ZC3H6: variants seen among roughly 807,000 people sequenced by gnomAD.
ZC3H6 encodes the protein zinc finger CCCH-type containing 6.
Under a neutral mutation model 107.7 loss-of-function variants are expected in ZC3H6, and 40 were observed. That is an observed-to-expected ratio of 0.37 (90% CI 0.29 to 0.48). ZC3H6 has a LOEUF of 0.48. ZC3H6 is among the 20% of genes least tolerant of loss of function. The pLI is 0.98. For synonymous variants in ZC3H6, 493 were observed against 487.9 expected (o/e 1.01, Z -0.14); for missense variants, 1,267 against 1,410.4 (o/e 0.90, Z 1.63).
rs779296307 is a variant in ZC3H6 at position 112,332,055 on chromosome 2, T to G, written c.3137T>G (p.Ile1046Ser). The G allele has an allele frequency of 3.1e-6, 5 of 1,614,046 alleles. No homozygotes were observed. In the South Asian group the frequency reaches 5.5e-5, roughly 18 times the overall value. Residue 1046 changes from isoleucine to serine, a missense_variant, in exon 12 of 12, where the codon ATT becomes AGT. Around this residue, in one of 3 missense-constraint regions of ZC3H6, gnomAD observed 925 missense variants for 1,025.7 expected, o/e 0.90. Coordinates refer to ENST00000409871, the MANE Select transcript of ZC3H6 (RefSeq NM_198581.3). ...ACTTCCACTTCAGTTCTTAGTGGTA[T>G]TAGTTTGTATGACCCTAGGGATCAC... ...LGTSTSVLSG[I>S]SLYDPRDHGS...
At chr2:112,321,499 A>G (rs888190083) in intron 7 of ZC3H6, among the ~76,000 whole-genome samples, 1 of 152,034 alleles carries the variant, frequency 6.6e-6, no homozygotes, top group Non-Finnish European at 1.5e-5. Context: ...TAAATTCAGT[A>G]TAATATATAA....
At chr2:112,317,156 G>C (rs1344695051) in intron 6 of ZC3H6, 65 bp from the exon 7 acceptor site, 1 of 877,814 alleles carries the variant, frequency 1.1e-6, no homozygotes, top group Non-Finnish European at 1.6e-6. Flanking sequence ...TTCAGCTGTT[G>C]TTTCTTTGTT....
At position 112,332,446 on chromosome 2, in the gene ZC3H6, G is replaced by A. The variant is rs1677056558; in HGVS notation, c.3528G>A (p.Glu1176=). The A allele has an allele frequency of 6.2e-7, 1 of 1,610,086 alleles. No individual in the cohort carries two copies. The highest frequency in any genetic ancestry group is 8.5e-7 in the Non-Finnish European group (1 of 1,179,140). ...AAACAGATGACAAATCTCTGAAAGA[G>A]GTTTTTAAAACTTTTGATCCAACTG... ...GRETDDKSLK[E]VFKTFDPTAS... Residue 1176 remains glutamate, a synonymous_variant, in exon 12 of 12, where the codon GAG becomes GAA. Coordinates refer to ENST00000409871, the MANE Select transcript of ZC3H6 (RefSeq NM_198581.3).
intron 1 of ZC3H6, among the ~76,000 whole-genome samples, chr2:112,283,970 A>C (rs561751075): frequency 6.6e-6 from 1 of 152,392 alleles, no homozygotes; most frequent in East Asian, 1.9e-4. Context: ...TATGAAGTCA[A>C]GTCTGGCTAA....
Position 112,334,463 on chromosome 2 carries a change from C to T in ZC3H6, c.*1975C>T, listed in dbSNP as rs758636774. The T allele has an allele frequency of 2.0e-5, 3 of 151,846 alleles. No individual in the cohort carries two copies. The highest frequency in any genetic ancestry group is 4.4e-5 in the Non-Finnish European group (3 of 67,906). The allele number at this position is 151,846 out of a possible 1,614,324, so 9.4% of individuals were successfully genotyped here. ...TCAAAATAGAATCCAAACTCTTAAC[C>T]GAATATCTTTTTTACAACTAAAAGA... On this transcript the variant is annotated 3_prime_UTR_variant, in exon 12 of 12. Coordinates refer to ENST00000409871, the MANE Select transcript of ZC3H6 (RefSeq NM_198581.3).
chr2:112,295,124 G>T (rs558424531), intron 1 of ZC3H6, among the ~76,000 whole-genome samples: 106 of 151,966 alleles, frequency 7.0e-4, no homozygotes, highest in African/African-American at 2.4e-3. Context: ...AATCTACTTT[G>T]TATCTGTATA....
Position 112,311,788 on chromosome 2 carries a change from A to G in ZC3H6, c.614-16A>G. ...CTGTTTTTCTTTTAAATTTAAGTAC[A>G]TTTTAACTTTTCTAGGTATTGAACA... On this transcript the variant is annotated splice_polypyrimidine_tract_variant and intron_variant, in intron 4 of 11. Coordinates refer to ENST00000409871, the MANE Select transcript of ZC3H6 (RefSeq NM_198581.3). 6.3e-7 allele frequency: 1 copy of G among 1,593,380 alleles called. No homozygotes were observed. The highest frequency in any genetic ancestry group is 8.5e-7 in the Non-Finnish European group (1 of 1,169,890).
chr2:112,292,702 C>T (rs558868100), intron 1 of ZC3H6, among the ~76,000 whole-genome samples: 6 of 152,294 alleles, frequency 3.9e-5, no homozygotes, highest in Admixed American at 3.9e-4. Flanking sequence ...ATTAAGCAAT[C>T]TAAAGCTATG....
At chr2:112,281,850 A>G (rs1323095886) in intron 1 of ZC3H6, among the ~76,000 whole-genome samples, 1 of 152,050 alleles carries the variant, frequency 6.6e-6, no homozygotes, top group Non-Finnish European at 1.5e-5. Flanking sequence ...AGGGATAGTC[A>G]CAGAGCAGTA....
At chr2:112,326,843 C>T (rs1676914514) in intron 11 of ZC3H6, among the ~76,000 whole-genome samples, 1 of 152,008 alleles carries the variant, frequency 6.6e-6, no homozygotes, top group Non-Finnish European at 1.5e-5. Context: ...GAACTCCTGA[C>T]CTCAGGTGAT....
At chr2:112,279,274 A>G (rs1255563493) in intron 1 of ZC3H6, among the ~76,000 whole-genome samples, 3 of 152,220 alleles carry the variant, frequency 2.0e-5, no homozygotes, top group East Asian at 1.9e-4. Flanking sequence ...TGTTGACCCA[A>G]TTAAAACAAT....
intron 3 of ZC3H6, among the ~76,000 whole-genome samples, chr2:112,305,873 T>A (rs74574656): frequency 0.11 from 16,543 of 152,200 alleles, 1,191 homozygotes; most frequent in Non-Finnish European, 0.16. Context: ...GATTCCCCAG[T>A]TAACGTTTTA....
chr2:112,331,179 A>C lies in ZC3H6; in HGVS notation c.2261A>C (p.Gln754Pro), dbSNP rs561081734. 6.4e-5 allele frequency: 103 copies of C among 1,613,618 alleles called. No individual in the cohort carries two copies. In the Middle Eastern group the frequency reaches 6.6e-4, roughly 10 times the overall value. The change falls in exon 12 of 12, where the codon CAA (glutamine) becomes CCA (proline). Residue 754 changes from glutamine (Q) to proline (P), a missense_variant. Physicochemically the swap from Gln to Pro is moderately conservative, Grantham distance 76. Around this residue, in one of 3 missense-constraint regions of ZC3H6, gnomAD observed 925 missense variants for 1,025.7 expected, o/e 0.90. Transcript: ENST00000409871. ...GCTAAAGAGAAAAGTAAAGGAAACCAAGTGGTTGACCCTAGGCTTAGGACT... is the reference window on the plus strand; with the variant it reads ...GCTAAAGAGAAAAGTAAAGGAAACCCAGTGGTTGACCCTAGGCTTAGGACT... Reference protein sequence around the residue: ...RLAKEKSKGNQVVDPRLRTIP... With the variant: ...RLAKEKSKGNPVVDPRLRTIP...
At position 112,325,148 on chromosome 2, in the gene ZC3H6, T is replaced by A. The variant is rs746037354; in HGVS notation, c.2037T>A (p.Asp679Glu). ...GACTTACTCAGAGATACCAAGAAGA[T>A]GAAGAACAAACCAGCACCCAACCTC... ...FVRLTQRYQE[D>E]EEQTSTQPHR... Residue 679 changes from aspartate (D) to glutamate (E), a missense_variant, in exon 11 of 12, where the codon GAT (aspartate) becomes GAA (glutamate). Around this residue, in one of 3 missense-constraint regions of ZC3H6, gnomAD observed 925 missense variants for 1,025.7 expected, o/e 0.90. Transcript: ENST00000409871. 1.4e-5 allele frequency: 22 copies of A among 1,613,876 alleles called. No homozygotes were observed. Among genetic ancestry groups the A allele is most frequent in the Non-Finnish European group, 1.9e-5 (22 of 1,179,888 alleles).
rs1015652024 is a variant in ZC3H6 at position 112,332,887 on chromosome 2, C to T, written c.*399C>T. On this transcript the variant is annotated 3_prime_UTR_variant, in exon 12 of 12. Transcript: ENST00000409871. ...TTACTTTTGAGAAACAGTATTTTGA[C>T]TAGGACCTCTCTTATTTGTCAGCAC... The T allele has an allele frequency of 6.3e-6, 1 of 157,700 alleles. No individual in the cohort carries two copies. Among genetic ancestry groups the T allele is most frequent in the Non-Finnish European group, 1.4e-5 (1 of 71,270 alleles). 9.8% of individuals were successfully genotyped at this position (157,700 alleles called of 1,614,324 possible).
chr2:112,298,624 T>C (rs370829380), intron 1 of ZC3H6, among the ~76,000 whole-genome samples: 2 of 151,826 alleles, frequency 1.3e-5, no homozygotes, highest in African/African-American at 4.8e-5. Flanking sequence ...AAAATGCTTA[T>C]TGCCGAGTTA....
intron 11 of ZC3H6, among the ~76,000 whole-genome samples, chr2:112,330,295 C>T (rs576793610): frequency 2.8e-4 from 43 of 152,054 alleles, no homozygotes; most frequent in Non-Finnish European, 5.4e-4. Context: ...CCTCGTGATC[C>T]GCCCACCTCG....
In ZC3H6 at chr2:112,275,705, C is replaced by T. The variant is rs1686402515; in HGVS notation, c.-290C>T. On this transcript the variant is annotated 5_prime_UTR_variant, in exon 1 of 12. Coordinates refer to ENST00000409871, the MANE Select transcript of ZC3H6 (RefSeq NM_198581.3). ...GTCGCTGCACGCCGCCCGCCCGCTC[C>T]CACGCCACAGCCACCGGCGGCGAAT... is the stretch of plus-strand genomic sequence containing the variant. 9.6e-6 allele frequency: 4 copies of T among 417,542 alleles called. No homozygotes were observed. The highest frequency in any genetic ancestry group is 1.7e-5 in the Non-Finnish European group (4 of 235,824). The allele number at this position is 417,542 out of a possible 1,614,324, so 25.9% of individuals were successfully genotyped here.
intron 11 of ZC3H6, among the ~76,000 whole-genome samples, chr2:112,327,567 C>T (rs1676925950): frequency 6.6e-6 from 1 of 152,158 alleles, no homozygotes; most frequent in Non-Finnish European, 1.5e-5. Context: ...TGAGGTATTA[C>T]TTAAGAAATC....
Sources: allele counts gnomAD v4.1 joint callset (sites outside exome capture counted in the v4.1 genomes callset), GRCh38; gene constraint gnomAD v4.1.1; regional missense constraint gnomAD v4.1.1; transcripts MANE v1.5; gene names NCBI Gene and HGNC (gene_info 2026-07-23, HGNC 2026-07-21).